ZNF341: variants seen among roughly 807,000 people sequenced by gnomAD.
ZNF341 encodes the protein zinc finger protein 341.
Under a neutral mutation model 87.7 loss-of-function variants are expected in ZNF341, and 52 were observed. The observed-to-expected ratio is 0.59, with a 90% CI of 0.47 to 0.75. The LOEUF (loss-of-function observed/expected upper bound fraction) is 0.75, where lower values mean the gene tolerates loss of function less well. ZNF341 is among the 30% of genes least tolerant of loss of function. The pLI, the probability that ZNF341 is intolerant of heterozygous loss-of-function variation, is 0.00. For missense variants in ZNF341, 977 were observed against 1,145.9 expected (o/e 0.85, Z 2.13); for synonymous variants, 459 against 472.7 (o/e 0.97, Z 0.38).
rs760888991 is a variant in ZNF341 at position 33,791,142 on chromosome 20, C to T, written c.2190C>T (p.Arg730=). 8 of 1,613,282 alleles carry T rather than the reference C, an allele frequency of 5.0e-6. No individual in the cohort carries two copies. In the Admixed American group the frequency reaches 1.3e-4, roughly 27 times the overall value. ...GCCACAAATACCTCAAAGATCACCG[C>T]TGTCGTCTCGGCCCCCAAAAGGACA... ...FSRHKYLKDH[R]CRLGPQKDKD... is the part of the protein sequence containing the mutation. Residue 730 remains arginine, a synonymous_variant, in exon 15 of 15, where the codon CGC becomes CGT. Transcript: ENST00000375200.
chr20:33,738,185 T>A (rs2018731472), intron 1 of ZNF341, among the ~76,000 whole-genome samples: 1 of 150,304 alleles, frequency 6.7e-6, no homozygotes, highest in African/African-American at 2.5e-5. Context: ...ATGCCTGTAT[T>A]CCCAGCACTT....
intron 10 of ZNF341, among the ~76,000 whole-genome samples, chr20:33,779,818 G>C (rs989919492): frequency 5.3e-5 from 8 of 152,086 alleles, no homozygotes; most frequent in African/African-American, 1.9e-4. Context: ...TTTTGAATGA[G>C]GAGGCCCAGC....
chr20:33,738,923 G>T (rs2018748302), intron 1 of ZNF341, among the ~76,000 whole-genome samples: 2 of 152,302 alleles, frequency 1.3e-5, no homozygotes, highest in South Asian at 4.1e-4. Flanking sequence ...ACAAGGGAAG[G>T]CATGGATTCA....
At chr20:33,759,204 C>A (rs994058946) in intron 7 of ZNF341, among the ~76,000 whole-genome samples, 3 of 152,186 alleles carry the variant, frequency 2.0e-5, no homozygotes, top group African/African-American at 7.2e-5. Context: ...ATGCAGGGAT[C>A]CCTTCTGGGC....
chr20:33,767,061 A>C lies in ZNF341; in HGVS notation c.1413+20A>C. ...GAGCAGGTAGGTGGATGGTGGCAGCAGGGGCCCACACCACACCAGTCGAAA... is the reference window on the plus strand; with the variant it reads ...GAGCAGGTAGGTGGATGGTGGCAGCCGGGGCCCACACCACACCAGTCGAAA... On this transcript the variant is annotated intron_variant, in intron 9 of 14. Transcript: ENST00000375200. 6.2e-7 allele frequency: 1 copy of C among 1,603,144 alleles called. No homozygotes were observed. The highest frequency in any genetic ancestry group is 8.5e-7 in the Non-Finnish European group (1 of 1,174,118).
At chr20:33,783,923 CTCATGCCTTTCT>C in intron 12 of ZNF341, 59 bp downstream of exon 12, 2 of 1,528,922 alleles carry the variant, frequency 1.3e-6, no homozygotes, top group Non-Finnish European at 8.9e-7. Flanking sequence ...TCCCCCTCTC[CTCATGCCTTTCT>C]CTCTCTTCCC....
intron 4 of ZNF341, among the ~76,000 whole-genome samples, chr20:33,750,131 A>T (rs2747549): frequency 0.057 from 8,610 of 152,132 alleles, 810 homozygotes; most frequent in African/African-American, 0.19. Context: ...TAAAAAAAAA[A>T]TTTTTGTAGA....
In ZNF341 at chr20:33,732,750, G is replaced by C. The variant is rs1486259976; in HGVS notation, c.31+698G>C. On this transcript the variant is annotated intron_variant, in intron 1 of 14. Transcript: ENST00000375200. The surrounding 1 kb of genome is among the most constrained non-coding windows in gnomAD (Gnocchi z 4.5). Reference sequence around the variant, plus strand: ...GCTGGGTGCCGACAGACTGTTCCGTGCTCTGCAAGAACCTGGGATGGGGTT... The same window carrying C: ...GCTGGGTGCCGACAGACTGTTCCGTCCTCTGCAAGAACCTGGGATGGGGTT... 6.6e-6 allele frequency among the ~76,000 whole-genome samples: 1 copy of C among 152,220 alleles called. No homozygotes were observed. Among genetic ancestry groups the C allele is most frequent in the Non-Finnish European group, 1.5e-5 (1 of 68,038 alleles).
rs151279988 is a variant in ZNF341 at position 33,778,491 on chromosome 20, A to G, written c.1623-2800A>G. On this transcript the variant is annotated intron_variant, in intron 10 of 14. Coordinates refer to ENST00000375200, the MANE Select transcript of ZNF341 (RefSeq NM_001282933.2). ...ACACCTGGCTAATTTTTGTATTTTT[A>G]GTAAAGACGGCATTTCTCCATGTTG... Among the ~76,000 whole-genome samples the G allele has an allele frequency of 2.0e-5, 3 of 152,122 alleles. No homozygotes were observed. The East Asian group carries it at 5.8e-4, about 29-fold the overall frequency.
chr20:33,781,670 T>C (rs1174752307), intron 11 of ZNF341, among the ~76,000 whole-genome samples: 1 of 151,990 alleles, frequency 6.6e-6, no homozygotes, highest in Non-Finnish European at 1.5e-5. Context: ...TGATGTAAGA[T>C]TATCCTTATT....
chr20:33,786,839 G>A (rs917171548), intron 12 of ZNF341, among the ~76,000 whole-genome samples: 1 of 151,646 alleles, frequency 6.6e-6, no homozygotes, highest in Non-Finnish European at 1.5e-5. Flanking sequence ...GTGGTGGTAC[G>A]CACCTGTGAT....
At chr20:33,737,127 C>T (rs2018705397) in intron 1 of ZNF341, among the ~76,000 whole-genome samples, 1 of 152,122 alleles carries the variant, frequency 6.6e-6, no homozygotes, top group Non-Finnish European at 1.5e-5. Flanking sequence ...TTTGGTGGAA[C>T]TGTAACCATC....
intron 12 of ZNF341, among the ~76,000 whole-genome samples, chr20:33,785,660 A>G (rs925590005): frequency 2.0e-5 from 3 of 152,096 alleles, no homozygotes; most frequent in Admixed American, 6.6e-5. Flanking sequence ...TAAAATAACC[A>G]CCAACAGGGT....
intron 7 of ZNF341, among the ~76,000 whole-genome samples, chr20:33,761,306 C>T (rs773285371): frequency 6.6e-6 from 1 of 152,094 alleles, no homozygotes; most frequent in Non-Finnish European, 1.5e-5. Flanking sequence ...ACTCTGTCAC[C>T]CAGGCTGGAG....
intron 8 of ZNF341, 59 bp downstream of exon 8, chr20:33,762,114 T>G: frequency 6.8e-7 from 1 of 1,464,218 alleles, no homozygotes; most frequent in Non-Finnish European, 9.2e-7. Context: ...CTTCACAGGT[T>G]TTATTGCTAG....
At position 33,791,181 on chromosome 20, in the gene ZNF341, C is replaced by A. The variant is rs745406328; in HGVS notation, c.2229C>A (p.Thr743=). 6.2e-7 allele frequency: 1 copy of A among 1,613,114 alleles called. No individual in the cohort carries two copies. Among genetic ancestry groups the A allele is most frequent in the East Asian group, 2.2e-5 (1 of 44,882 alleles). Residue 743 remains threonine (T), a synonymous_variant, in exon 15 of 15, where the codon ACC becomes ACA. Transcript: ENST00000375200. ...LGPQKDKDLQ[T]RRPPQRRAAP... is the part of the protein sequence containing the mutation. ...CCCAAAAGGACAAGGACCTGCAAAC[C>A]CGGCGGCCCCCCCAGAGGAGGGCAG...
At chr20:33,757,097 C>A in intron 5 of ZNF341, 51 bp from the exon 6 acceptor site, 1 of 1,354,430 alleles carries the variant, frequency 7.4e-7, no homozygotes, top group Non-Finnish European at 9.7e-7. Context: ...TGGCTGGGAG[C>A]TCTTCCCCTT....
intron 5 of ZNF341, among the ~76,000 whole-genome samples, chr20:33,753,932 C>T (rs536719053): frequency 1.3e-5 from 2 of 152,240 alleles, no homozygotes; most frequent in South Asian, 2.1e-4. Flanking sequence ...TATGTCTGAA[C>T]GTTGGCTGGC....
intron 3 of ZNF341, among the ~76,000 whole-genome samples, chr20:33,747,713 C>CTT (rs570173400): frequency 4.0e-5 from 5 of 125,646 alleles, no homozygotes; most frequent in Non-Finnish European, 6.5e-5. Context: ...CATCTCTTAC[C>CTT]TTTTTTTTTT....
Sources: allele counts gnomAD v4.1 joint callset (sites outside exome capture counted in the v4.1 genomes callset), GRCh38; gene constraint gnomAD v4.1.1; non-coding constraint Gnocchi (gnomAD v3.1); transcripts MANE v1.5; gene names NCBI Gene and HGNC (gene_info 2026-07-23, HGNC 2026-07-21).